CMTM4: variants seen among roughly 807,000 people sequenced by gnomAD.
CMTM4 encodes CKLF-like MARVEL transmembrane domain-containing protein 4.
A neutral mutation model predicts 19.0 loss-of-function variants in CMTM4; 8 were observed. The observed-to-expected ratio is 0.42, with a 90% CI of 0.25 to 0.76. The LOEUF (loss-of-function observed/expected upper bound fraction) is 0.76, where lower values mean the gene tolerates loss of function less well. CMTM4 is among the 30% of genes least tolerant of loss of function. CMTM4 has a pLI of 0.27. For missense variants in CMTM4, 228 were observed against 290.2 expected (o/e 0.79, Z 1.56); for synonymous variants, 106 against 121.1 (o/e 0.88, Z 0.82).
In CMTM4 at chr16:66,617,915, G is replaced by A. The variant is rs1000115095; in HGVS notation, c.*4143C>T. ...CGCGAGACAGCTTTCAAAGACAAGAGGACAGGAAGGCAGTTAACAAAGTAC... is the reference window on the plus strand; with the variant it reads ...CGCGAGACAGCTTTCAAAGACAAGAAGACAGGAAGGCAGTTAACAAAGTAC... On this transcript the variant is annotated 3_prime_UTR_variant, in exon 4 of 4. Coordinates refer to ENST00000394106, the MANE Select transcript of CMTM4 (RefSeq NM_181521.3). 82 of 987,818 alleles carry A rather than the reference G, an allele frequency of 8.3e-5. No individual in the cohort carries two copies. The highest frequency in any genetic ancestry group is 9.6e-5 in the Non-Finnish European group (80 of 831,700). 61.2% of individuals were successfully genotyped at this position (987,818 alleles called of 1,614,324 possible).
At chr16:66,672,735 A>G (rs1047111531) in intron 1 of CMTM4, among the ~76,000 whole-genome samples, 2 of 151,392 alleles carry the variant, frequency 1.3e-5, no homozygotes, top group African/African-American at 4.9e-5. Flanking sequence ...TCAGCCTCCC[A>G]AGAAGCTGGG....
chr16:66,637,733 C>T (rs532459817), intron 1 of CMTM4, among the ~76,000 whole-genome samples: 2 of 152,250 alleles, frequency 1.3e-5, no homozygotes, highest in East Asian at 1.9e-4. Context: ...AGAAAGGTTT[C>T]GAGCACCTAA....
At chr16:66,669,673 C>G (rs1211239028) in intron 1 of CMTM4, among the ~76,000 whole-genome samples, 2 of 152,122 alleles carry the variant, frequency 1.3e-5, no homozygotes, top group Non-Finnish European at 1.5e-5. Context: ...TCCCAAGTAG[C>G]TGGGACTACA....
intron 1 of CMTM4, among the ~76,000 whole-genome samples, chr16:66,659,806 A>T (rs2016469011): frequency 6.6e-6 from 1 of 152,214 alleles, no homozygotes; most frequent in South Asian, 2.1e-4. Flanking sequence ...ATTAAACAAA[A>T]ATGCAAAATG....
rs28498978 is a variant in CMTM4 at position 66,654,599 on chromosome 16, C to T, written c.187-18018G>A. On this transcript the variant is annotated intron_variant, in intron 1 of 3. Coordinates refer to ENST00000394106, the MANE Select transcript of CMTM4 (RefSeq NM_181521.3). ...AATGTGAGTGCAAAAATCCTCTTGC[C>T]GTTAGCATAGCCCGTCGCACAGTAG... is the stretch of plus-strand genomic sequence containing the variant. Among the ~76,000 whole-genome samples the T allele has an allele frequency of 9.8e-3, 1,495 of 152,268 alleles. 21 individuals carry two copies. The highest frequency in any genetic ancestry group is 0.033 in the African/African-American group (1,380 of 41,534).
In CMTM4 at chr16:66,620,127, T is replaced by C; in HGVS notation, c.*1931A>G. 2 of 985,456 alleles carry C rather than the reference T, an allele frequency of 2.0e-6. No individual in the cohort carries two copies. The highest frequency in any genetic ancestry group is 1.2e-6 in the Non-Finnish European group (1 of 829,936). 61.0% of individuals were successfully genotyped at this position (985,456 alleles called of 1,614,324 possible). Reference sequence around the variant, plus strand: ...CTTTTTTGGGGGCCAAGTAACATGATTCCCAGCAGGAGATTTCTGATAAAG... The same window carrying C: ...CTTTTTTGGGGGCCAAGTAACATGACTCCCAGCAGGAGATTTCTGATAAAG... On this transcript the variant is annotated 3_prime_UTR_variant, in exon 4 of 4. Transcript: ENST00000394106.
At position 66,619,145 on chromosome 16, in the gene CMTM4, A is replaced by C. The variant is rs1362066421; in HGVS notation, c.*2913T>G. 2.0e-6 allele frequency: 2 copies of C among 985,312 alleles called. No homozygotes were observed. Among genetic ancestry groups the C allele is most frequent in the Non-Finnish European group, 1.2e-6 (1 of 829,932 alleles). The allele number at this position is 985,312 out of a possible 1,614,324, so 61.0% of individuals were successfully genotyped here. ...GTATCTCCAGCCTTTCATGACTGTA[A>C]TCCCTCTTTAAGGCAGGGAAAACAT... On this transcript the variant is annotated 3_prime_UTR_variant, in exon 4 of 4. Transcript: ENST00000394106.
downstream of CMTM4, among the ~76,000 whole-genome samples, chr16:66,611,366 T>A (rs940226418): frequency 9.9e-5 from 15 of 151,706 alleles, no homozygotes; most frequent in South Asian, 2.1e-4. Flanking sequence ...GGCAGGAGAA[T>A]CACCTATGGG....
At position 66,675,112 on chromosome 16, in the gene CMTM4, ACT is replaced by A. The variant is rs374805343; in HGVS notation, c.186+21226_186+21227del. 1.7e-3 allele frequency among the ~76,000 whole-genome samples: 239 copies of A among 142,352 alleles called. 1 individual carries two copies. Among genetic ancestry groups the A allele is most frequent in the African/African-American group, 5.9e-3 (222 of 37,936 alleles). 93.4% of individuals were successfully genotyped at this position (142,352 alleles called of 152,430 possible). ...ATTTTTTTTTTTGAGACAGAGTCTC[ACT>A]CTGTTGGCCAGGCTGGAGTGCAATG... is the stretch of plus-strand genomic sequence containing the variant. On this transcript the variant is annotated intron_variant, in intron 1 of 3. Transcript: ENST00000394106.
chr16:66,664,314 T>C (rs1387273675), intron 1 of CMTM4, among the ~76,000 whole-genome samples: 1 of 151,642 alleles, frequency 6.6e-6, no homozygotes, highest in South Asian at 2.1e-4. Flanking sequence ...TGAAACGCTA[T>C]GAGGTTCTTC....
chr16:66,628,604 C>G (rs1181593387), intron 2 of CMTM4, among the ~76,000 whole-genome samples: 1 of 152,168 alleles, frequency 6.6e-6, no homozygotes, highest in Non-Finnish European at 1.5e-5. Flanking sequence ...GGCAAAGTGG[C>G]TGGGGCAAAG....
chr16:66,628,573 T>C (rs1457252566), intron 2 of CMTM4, among the ~76,000 whole-genome samples: 3 of 152,208 alleles, frequency 2.0e-5, no homozygotes, highest in African/African-American at 7.2e-5. Flanking sequence ...ACAACACATG[T>C]TTTTGTGAGC....
Position 66,618,724 on chromosome 16 carries a change from G to GT in CMTM4, c.*3333dup. 2.0e-6 allele frequency: 2 copies of GT among 985,520 alleles called. No homozygotes were observed. Among genetic ancestry groups the GT allele is most frequent in the African/African-American group, 1.7e-5 (1 of 57,380 alleles). The allele number at this position is 985,520 out of a possible 1,614,324, so 61.0% of individuals were successfully genotyped here. On this transcript the variant is annotated 3_prime_UTR_variant, in exon 4 of 4. Coordinates refer to ENST00000394106, the MANE Select transcript of CMTM4 (RefSeq NM_181521.3). ...AGGACAGCTTCCAAGAACCACAGAT[G>GT]TAACTGCAAACTTGAAGAGAGTCAG... is the stretch of plus-strand genomic sequence containing the variant.
the CMTM4 span, among the ~76,000 whole-genome samples, chr16:66,607,317 A>G: frequency 3.9e-5 from 6 of 152,254 alleles, no homozygotes; most frequent in Non-Finnish European, 8.8e-5. Context: ...TGATTCTTGT[A>G]GTTCAAGTAC....
In CMTM4 at chr16:66,615,086, C is replaced by G. The variant is rs1246373533; in HGVS notation, c.*6972G>C. 1 of 152,272 alleles carries G rather than the reference C, an allele frequency of 6.6e-6. No homozygotes were observed. The highest frequency in any genetic ancestry group is 2.1e-4 in the South Asian group (1 of 4,836). The allele number at this position is 152,272 out of a possible 1,614,324, so 9.4% of individuals were successfully genotyped here. On this transcript the variant is annotated 3_prime_UTR_variant, in exon 4 of 4. Coordinates refer to ENST00000394106, the MANE Select transcript of CMTM4 (RefSeq NM_181521.3). This position sits in a 1 kb window ranked among gnomAD's most constrained non-coding sequence, Gnocchi z 4.9. ...TCCACGTCAGCTGAAAAACCAAACA[C>G]ATAAACCTAAGTTTGCCCAACGGGC...
At chr16:66,602,806 C>T in the CMTM4 span, among the ~76,000 whole-genome samples, 1 of 152,260 alleles carries the variant, frequency 6.6e-6, no homozygotes, top group South Asian at 2.1e-4. Context: ...CTCAGCCTCC[C>T]AAAATGCTGG....
At chr16:66,601,107 C>CTGTGTGTGTGTG in the CMTM4 span, among the ~76,000 whole-genome samples, 1 of 142,926 alleles carries the variant, frequency 7.0e-6, no homozygotes, top group Non-Finnish European at 1.5e-5. Flanking sequence ...GTGTGTGTGT[C>CTGTGTGTGTGTG]TGTGTGTGTG....
chr16:66,633,430 A>G (rs1007648380), intron 2 of CMTM4, among the ~76,000 whole-genome samples: 4 of 151,998 alleles, frequency 2.6e-5, no homozygotes, highest in African/African-American at 9.7e-5. Context: ...GCCAAGGCCA[A>G]CCCTTCTGTA....
At chr16:66,630,409 C>T (rs2015830845) in intron 2 of CMTM4, among the ~76,000 whole-genome samples, 2 of 149,694 alleles carry the variant, frequency 1.3e-5, no homozygotes, top group African/African-American at 2.5e-5. Context: ...GACTGTACTG[C>T]TGCCATCTGG....
Sources: allele counts gnomAD v4.1 joint callset (sites outside exome capture counted in the v4.1 genomes callset), GRCh38; gene constraint gnomAD v4.1.1; non-coding constraint Gnocchi (gnomAD v3.1); transcripts MANE v1.5; gene names NCBI Gene and HGNC (gene_info 2026-07-23, HGNC 2026-07-21).